Variants in UTRN observed in about 807,000 individuals in gnomAD.
UTRN encodes utrophin.
Under a neutral mutation model 463.9 loss-of-function variants are expected in UTRN, and 283 were observed. That is an observed-to-expected ratio of 0.61 (90% confidence interval 0.55 to 0.67). The LOEUF is 0.67. UTRN is among the 30% of genes least tolerant of loss of function. The pLI, the probability that UTRN is intolerant of heterozygous loss-of-function variation, is 0.00. For synonymous variants in UTRN, 1,442 were observed against 1,431.5 expected (o/e 1.01, Z -0.17); for missense variants, 3,922 against 4,084.3 (o/e 0.96, Z 1.08).
intron 53 of UTRN, among the ~76,000 whole-genome samples, chr6:144,729,331 A>C (rs1788273475): frequency 6.6e-6 from 1 of 152,176 alleles, no homozygotes; most frequent in Non-Finnish European, 1.5e-5. Flanking sequence ...CTATGGAAGA[A>C]AAGGATCTAG....
chr6:144,321,498 C>T (rs1263570320), intron 2 of UTRN, among the ~76,000 whole-genome samples: 1 of 122,178 alleles, frequency 8.2e-6, no homozygotes, highest in African/African-American at 3.0e-5. Flanking sequence ...GAGACAGAGT[C>T]TCGCTCTGTC....
At chr6:144,337,156 CACACACAG>C (rs1336939141) in intron 2 of UTRN, among the ~76,000 whole-genome samples, 5 of 149,190 alleles carry the variant, frequency 3.4e-5, no homozygotes, top group African/African-American at 1.2e-4. Flanking sequence ...CAGAGACACA[CACACACAG>C]ACACACACAC....
intron 67 of UTRN, 104 bp downstream of exon 67, chr6:144,827,490 G>T (rs1375835172): frequency 6.3e-7 from 1 of 1,595,454 alleles, no homozygotes; most frequent in Non-Finnish European, 8.6e-7. Context: ...TGTGTTCCGG[G>T]TAACAATCCT....
intron 11 of UTRN, 107 bp downstream of exon 11, chr6:144,437,853 C>A: frequency 8.2e-7 from 1 of 1,215,280 alleles, no homozygotes; most frequent in South Asian, 2.0e-5. Context: ...ACAGAACTTG[C>A]CTTGGAAAAG....
intron 2 of UTRN, among the ~76,000 whole-genome samples, chr6:144,386,426 T>A (rs1781427564): frequency 6.6e-6 from 1 of 152,084 alleles, no homozygotes; most frequent in Non-Finnish European, 1.5e-5. Flanking sequence ...ACTACTGCAC[T>A]CAAGCCTAGG....
intron 51 of UTRN, among the ~76,000 whole-genome samples, chr6:144,664,568 T>C (rs1248389785): frequency 6.6e-6 from 1 of 151,546 alleles, no homozygotes; most frequent in African/African-American, 2.4e-5. Context: ...GTCTTACCTA[T>C]ATTTATCATC....
intron 50 of UTRN, among the ~76,000 whole-genome samples, chr6:144,557,566 T>G (rs925504020): frequency 6.6e-6 from 1 of 152,278 alleles, no homozygotes; most frequent in Admixed American, 6.5e-5. Flanking sequence ...TTGCCAATGA[T>G]TATGTGTTCT....
chr6:144,357,475 C>T (rs529081545), intron 2 of UTRN, among the ~76,000 whole-genome samples: 2 of 152,186 alleles, frequency 1.3e-5, no homozygotes, highest in African/African-American at 4.8e-5. Context: ...TTGTAGTCTT[C>T]CTATCCTTTC....
At chr6:144,503,152 C>A (rs1466780154) in intron 34 of UTRN, among the ~76,000 whole-genome samples, 1 of 151,894 alleles carries the variant, frequency 6.6e-6, no homozygotes, top group Non-Finnish European at 1.5e-5. Flanking sequence ...AGGATATTAG[C>A]CCTTTGTCAG....
intron 41 of UTRN, among the ~76,000 whole-genome samples, chr6:144,528,032 A>AT (rs201546711): frequency 0.016 from 1,778 of 111,990 alleles, 87 homozygotes; most frequent in Admixed American, 0.061. Context: ...AGCTAGTGTG[A>AT]TTTTTTTTTT....
At chr6:144,454,499 C>T (rs1048676051) in intron 19 of UTRN, among the ~76,000 whole-genome samples, 1 of 152,046 alleles carries the variant, frequency 6.6e-6, no homozygotes, top group Non-Finnish European at 1.5e-5. Context: ...TTCTTGCACT[C>T]CATGTACGTT....
At chr6:144,634,906 GT>G (rs1372108385) in intron 51 of UTRN, among the ~76,000 whole-genome samples, 1 of 152,062 alleles carries the variant, frequency 6.6e-6, no homozygotes, top group East Asian at 1.9e-4. Context: ...CATTTTGTTT[GT>G]CCACTCATCA....
Position 144,594,218 on chromosome 6 carries a change from A to C in UTRN, c.7479+16930A>C, listed in dbSNP as rs569211612. The stretch of plus-strand genomic sequence containing the variant: ...CAATTTCCTTATTTTATAAATAGGG[A>C]AGCAGTGCCTTAACATCTATGTAGA... On this transcript the variant is annotated intron_variant, in intron 51 of 74. Transcript: ENST00000367545. 2.0e-5 allele frequency among the ~76,000 whole-genome samples: 3 copies of C among 152,300 alleles called. No individual in the cohort carries two copies. The South Asian group carries it at 6.2e-4, about 32-fold the overall frequency.
At position 144,673,263 on chromosome 6, in the gene UTRN, T is replaced by A. The variant is rs529655636; in HGVS notation, c.7480-5143T>A. On this transcript the variant is annotated intron_variant, in intron 51 of 74. Transcript: ENST00000367545. ...TGTCTTGATGACCCCTCTAGTGCTGTCAGTGGAATATTGAAGTCCCCTACA... is the reference window on the plus strand; with the variant it reads ...TGTCTTGATGACCCCTCTAGTGCTGACAGTGGAATATTGAAGTCCCCTACA... Among the ~76,000 whole-genome samples the A allele has an allele frequency of 3.2e-4, 48 of 152,312 alleles. 2 individuals carry two copies. In the South Asian group the frequency reaches 9.1e-3, roughly 29 times the overall value.
At chr6:144,747,025 T>C (rs1790824980) in intron 54 of UTRN, among the ~76,000 whole-genome samples, 1 of 152,170 alleles carries the variant, frequency 6.6e-6, no homozygotes, top group South Asian at 2.1e-4. Context: ...TTATATAATA[T>C]TTAAATAAAG....
At chr6:144,772,960 G>A (rs1794250882) in intron 59 of UTRN, among the ~76,000 whole-genome samples, 1 of 151,132 alleles carries the variant, frequency 6.6e-6, no homozygotes, top group Non-Finnish European at 1.5e-5. Flanking sequence ...CTCTTTAAAT[G>A]TTGGGCTTCT....
chr6:144,358,349 G>A (rs1467432228), intron 2 of UTRN, among the ~76,000 whole-genome samples: 7 of 152,156 alleles, frequency 4.6e-5, no homozygotes, highest in African/African-American at 7.2e-5. Context: ...CACACACTTT[G>A]TATAATGGAG....
chr6:144,533,299 C>G (rs770026500), intron 43 of UTRN, 39 bp downstream of exon 43: 3 of 1,601,034 alleles, frequency 1.9e-6, no homozygotes, highest in East Asian at 2.2e-5. Flanking sequence ...CAGGAGTGAA[C>G]ATATTTTGGA....
intron 52 of UTRN, 32 bp from the exon 53 acceptor site, chr6:144,700,055 T>A (rs1784427262): frequency 5.2e-6 from 8 of 1,541,988 alleles, no homozygotes; most frequent in Admixed American, 1.9e-5. Context: ...TTTCTAAATG[T>A]GGTTATTATT....
Sources: gnomAD v4.1 joint callset for allele counts (sites outside exome capture counted in the v4.1 genomes callset) on GRCh38, gnomAD v4.1.1 for gene constraint, MANE v1.5 for transcripts, NCBI Gene and HGNC (gene_info 2026-07-23, HGNC 2026-07-21) for gene names.